The following CCSER1 variants were observed in gnomAD, a reference collection of about 807,000 sequenced individuals.
CCSER1 encodes serine-rich coiled-coil domain-containing protein 1.
In CCSER1, 41 loss-of-function variants were observed where a neutral mutation model predicts 82.0. The ratio of observed to expected loss-of-function variants is 0.50; its 90% CI spans 0.39 to 0.65. The LOEUF is 0.65. Among genes scored for constraint, CCSER1 ranks in the 30% least tolerant of loss-of-function variants. The pLI is 0.00. For missense variants in CCSER1, 1,119 were observed against 1,064.2 expected, an observed-to-expected ratio of 1.05 and a Z score of -0.72; for synonymous variants, 414 against 383.9, an observed-to-expected ratio of 1.08 and a Z score of -0.92.
intron 8 of CCSER1, among the ~76,000 whole-genome samples, chr4:90,884,949 T>C (rs1721900534): frequency 6.6e-6 from 1 of 152,122 alleles, no homozygotes; most frequent in East Asian, 1.9e-4. Context: ...AATGAGAACA[T>C]TTGTATGATC....
At chr4:90,740,499 C>T (rs1431704674) in intron 7 of CCSER1, among the ~76,000 whole-genome samples, 1 of 152,094 alleles carries the variant, frequency 6.6e-6, no homozygotes, top group African/African-American at 2.4e-5. Flanking sequence ...TAGTAGACCT[C>T]TGGGAAAAAT....
At chr4:90,733,015 A>C (rs1487790920) in intron 7 of CCSER1, among the ~76,000 whole-genome samples, 2 of 152,216 alleles carry the variant, frequency 1.3e-5, no homozygotes, top group Non-Finnish European at 2.9e-5. Context: ...TCTCTTCAAT[A>C]CACTAATTTC....
chr4:90,184,311 G>T (rs1734219428), intron 1 of CCSER1, among the ~76,000 whole-genome samples: 1 of 152,120 alleles, frequency 6.6e-6, no homozygotes, highest in Non-Finnish European at 1.5e-5. Context: ...TCTGTCAGCA[G>T]CCCCTGTTGG....
intron 5 of CCSER1, among the ~76,000 whole-genome samples, chr4:90,529,403 T>C (rs1315340102): frequency 6.6e-6 from 1 of 152,028 alleles, no homozygotes; most frequent in Non-Finnish European, 1.5e-5. Flanking sequence ...CTAATTTTTG[T>C]ATGTTTAATG....
chr4:90,882,546 C>T (rs764193965), intron 8 of CCSER1, among the ~76,000 whole-genome samples: 7 of 152,042 alleles, frequency 4.6e-5, no homozygotes, highest in East Asian at 3.9e-4. Flanking sequence ...TGAGTTAATA[C>T]GTGTGAAAAT....
chr4:91,585,705 AAGG>A (rs774590098), intron 10 of CCSER1, among the ~76,000 whole-genome samples: 5 of 151,486 alleles, frequency 3.3e-5, no homozygotes, highest in Non-Finnish European at 7.4e-5. Flanking sequence ...TAAAAGCGTA[AAGG>A]ACCTAAAAGA....
chr4:91,365,254 C>T (rs78717771), intron 10 of CCSER1, among the ~76,000 whole-genome samples: 7 of 152,130 alleles, frequency 4.6e-5, no homozygotes, highest in African/African-American at 1.4e-4. Flanking sequence ...ATAACTACAT[C>T]CATGCGTGCA....
intron 10 of CCSER1, among the ~76,000 whole-genome samples, chr4:91,488,674 C>T (rs921470950): frequency 6.6e-6 from 1 of 152,184 alleles, no homozygotes; most frequent in Non-Finnish European, 1.5e-5. Context: ...TCGCCTTCAC[C>T]TTCCACCATG....
intron 10 of CCSER1, among the ~76,000 whole-genome samples, chr4:91,151,463 A>G (rs928260245): frequency 5.9e-5 from 9 of 151,638 alleles, no homozygotes; most frequent in African/African-American, 2.2e-4. Flanking sequence ...TTGTGTCTCT[A>G]TTTCCTTCAG....
chr4:90,344,901 A>T (rs936042167), intron 3 of CCSER1, among the ~76,000 whole-genome samples: 1 of 152,098 alleles, frequency 6.6e-6, no homozygotes. Flanking sequence ...ATTCAATGAG[A>T]CTACTTTCTC....
At chr4:90,220,266 G>A (rs986809380) in intron 1 of CCSER1, among the ~76,000 whole-genome samples, 3 of 152,050 alleles carry the variant, frequency 2.0e-5, no homozygotes, top group Admixed American at 6.6e-5. Context: ...GCATCTGCTG[G>A]GGGTCTTGGA....
intron 10 of CCSER1, among the ~76,000 whole-genome samples, chr4:91,571,136 A>G (rs1193100557): frequency 1.3e-5 from 2 of 152,164 alleles, no homozygotes; most frequent in African/African-American, 2.4e-5. Flanking sequence ...CCATATCACC[A>G]TCAGCATTTT....
rs186995433 is a variant in CCSER1 at position 91,511,269 on chromosome 4, C to T, written c.2218-87303C>T. Among the ~76,000 whole-genome samples the T allele has an allele frequency of 4.6e-5, 7 of 152,038 alleles. No homozygotes were observed. In the East Asian group the frequency reaches 1.4e-3, roughly 29 times the overall value. On this transcript the variant is annotated intron_variant, in intron 10 of 10. Coordinates refer to ENST00000509176, the MANE Select transcript of CCSER1 (RefSeq NM_001145065.2). Reference sequence around the variant, plus strand: ...AAGTTGAGTAATATGATGCCTCTGGCCTTCTTATTTTTCTTAGACTTGCCT... The same window carrying T: ...AAGTTGAGTAATATGATGCCTCTGGTCTTCTTATTTTTCTTAGACTTGCCT...
chr4:90,603,764 CA>C (rs1784304507), intron 5 of CCSER1, among the ~76,000 whole-genome samples: 1 of 152,078 alleles, frequency 6.6e-6, no homozygotes, highest in South Asian at 2.1e-4. Flanking sequence ...AATTACTCTC[CA>C]AAAGCAGTTG....
At chr4:90,402,758 G>A (rs1753064829) in intron 4 of CCSER1, among the ~76,000 whole-genome samples, 2 of 152,102 alleles carry the variant, frequency 1.3e-5, no homozygotes, top group African/African-American at 4.8e-5. Flanking sequence ...TGTTTACTTG[G>A]GGACAAAATC....
At chr4:90,893,587 AC>A (rs1723251699) in intron 8 of CCSER1, among the ~76,000 whole-genome samples, 1 of 152,028 alleles carries the variant, frequency 6.6e-6, no homozygotes, top group Admixed American at 6.6e-5. Context: ...AGCTGTGGCC[AC>A]CCATTCACTC....
intron 10 of CCSER1, among the ~76,000 whole-genome samples, chr4:91,179,389 A>G (rs187967404): frequency 6.6e-6 from 1 of 152,186 alleles, no homozygotes; most frequent in Non-Finnish European, 1.5e-5. Context: ...TAATATCCTG[A>G]AGAGTGTTTT....
At chr4:90,453,532 A>G (rs1761768457) in intron 4 of CCSER1, among the ~76,000 whole-genome samples, 1 of 152,184 alleles carries the variant, frequency 6.6e-6, no homozygotes, top group Non-Finnish European at 1.5e-5. Context: ...GTGGACCGAG[A>G]CCAGTGTGGC....
chr4:91,358,971 C>T (rs1014901384), intron 10 of CCSER1, among the ~76,000 whole-genome samples: 19 of 152,176 alleles, frequency 1.2e-4, no homozygotes, highest in African/African-American at 2.9e-4. Flanking sequence ...CAGGACGAGC[C>T]GCAGACAAAA....
Sources: gnomAD v4.1 joint callset for allele counts (sites outside exome capture counted in the v4.1 genomes callset) on GRCh38, gnomAD v4.1.1 for gene constraint, MANE v1.5 for transcripts, NCBI Gene and HGNC (gene_info 2026-07-23, HGNC 2026-07-21) for gene names.